The following CSMD1 variants were observed in gnomAD, a reference collection of about 807,000 sequenced individuals.
CSMD1 encodes the protein CUB and sushi domain-containing protein 1.
Under a neutral mutation model 417.5 loss-of-function variants are expected in CSMD1, and 213 were observed. The ratio of observed to expected loss-of-function variants is 0.51; its 90% CI spans 0.46 to 0.57. The LOEUF (loss-of-function observed/expected upper bound fraction) is 0.57, where lower values mean the gene tolerates loss of function less well. Among genes scored for constraint, CSMD1 ranks in the 20% least tolerant of loss-of-function variants. CSMD1 has a pLI of 0.00. For missense variants in CSMD1, 6,923 were observed against 4,529.7 expected (o/e 1.53, Z -15.17); for synonymous variants, 2,862 against 1,736.8 (o/e 1.65, Z -16.11).
chr8:4,596,343 C>T (rs1270543218), intron 2 of CSMD1, among the ~76,000 whole-genome samples: 1 of 152,152 alleles, frequency 6.6e-6, no homozygotes, highest in African/African-American at 2.4e-5. Flanking sequence ...AACGAAACCT[C>T]CTCTCTAAGG....
chr8:3,917,787 A>G (rs940498017), intron 5 of CSMD1, among the ~76,000 whole-genome samples: 4 of 152,074 alleles, frequency 2.6e-5, no homozygotes, highest in African/African-American at 9.7e-5. Flanking sequence ...CCCCACACCT[A>G]TTATTAGTTT....
intron 3 of CSMD1, among the ~76,000 whole-genome samples, chr8:4,419,560 T>A (rs1014823476): frequency 6.6e-6 from 1 of 152,186 alleles, no homozygotes; most frequent in Non-Finnish European, 1.5e-5. Flanking sequence ...GTTCATTTAA[T>A]GAAATTTCCT....
chr8:3,319,117 C>A (rs11991912), intron 23 of CSMD1, among the ~76,000 whole-genome samples: 1 of 151,858 alleles, frequency 6.6e-6, no homozygotes, highest in Admixed American at 6.6e-5. Flanking sequence ...CAGATAATAA[C>A]TGAAGAAGTA....
chr8:3,149,573 G>C (rs1819066108), intron 40 of CSMD1, among the ~76,000 whole-genome samples: 1 of 152,144 alleles, frequency 6.6e-6, no homozygotes, highest in South Asian at 2.1e-4. Context: ...CACCTCCCGG[G>C]TTCAAGCGAT....
intron 3 of CSMD1, among the ~76,000 whole-genome samples, chr8:4,041,575 C>T (rs1278406143): frequency 6.6e-6 from 1 of 152,100 alleles, no homozygotes; most frequent in Non-Finnish European, 1.5e-5. Context: ...AAGTGAGATT[C>T]ACAGTCTCTG....
At chr8:4,611,024 T>C (rs1801138963) in intron 2 of CSMD1, among the ~76,000 whole-genome samples, 1 of 152,160 alleles carries the variant, frequency 6.6e-6, no homozygotes, top group South Asian at 2.1e-4. Flanking sequence ...GAAATGTAAC[T>C]ACCATTTTTT....
chr8:4,102,513 C>G (rs192707736), intron 3 of CSMD1, among the ~76,000 whole-genome samples: 35 of 152,182 alleles, frequency 2.3e-4, no homozygotes, highest in African/African-American at 7.7e-4. Context: ...GAAAACTTAG[C>G]GACAATGGGG....
chr8:3,964,173 A>G (rs1812518370), intron 5 of CSMD1, among the ~76,000 whole-genome samples: 1 of 152,220 alleles, frequency 6.6e-6, no homozygotes, highest in Admixed American at 6.5e-5. Flanking sequence ...TCATCTTAAC[A>G]AGTAAACATT....
chr8:4,240,429 C>G (rs781353547), intron 3 of CSMD1, among the ~76,000 whole-genome samples: 2 of 152,230 alleles, frequency 1.3e-5, no homozygotes, highest in Non-Finnish European at 2.9e-5. Flanking sequence ...CTGTAGACTT[C>G]AAGATTCACT....
At chr8:3,010,282 A>G (rs937882445) in intron 52 of CSMD1, among the ~76,000 whole-genome samples, 1 of 152,156 alleles carries the variant, frequency 6.6e-6, no homozygotes, top group African/African-American at 2.4e-5. Context: ...TTTGTTTTAG[A>G]TGTAGCAGGT....
intron 3 of CSMD1, among the ~76,000 whole-genome samples, chr8:4,357,484 A>C (rs1192685446): frequency 6.6e-6 from 1 of 152,144 alleles, no homozygotes; most frequent in Non-Finnish European, 1.5e-5. Context: ...CCTCACCAAC[A>C]TGGCATTACT....
chr8:3,155,067 C>T (rs568535269), intron 39 of CSMD1, among the ~76,000 whole-genome samples: 10 of 151,954 alleles, frequency 6.6e-5, no homozygotes, highest in South Asian at 2.1e-4. Flanking sequence ...CTAATATTTA[C>T]GATGTTAAGT....
intron 6 of CSMD1, among the ~76,000 whole-genome samples, chr8:3,750,361 G>A (rs1797274614): frequency 1.3e-5 from 2 of 149,578 alleles, no homozygotes; most frequent in African/African-American, 2.4e-5. Context: ...TATGATTCAG[G>A]TTAAATATAC....
chr8:3,641,511 G>C (rs976229846), intron 7 of CSMD1, among the ~76,000 whole-genome samples: 1 of 152,058 alleles, frequency 6.6e-6, no homozygotes, highest in Non-Finnish European at 1.5e-5. Context: ...TCGGTCTCTT[G>C]GGCAAACTTC....
chr8:4,476,918 G>C (rs1217879919), intron 2 of CSMD1, among the ~76,000 whole-genome samples: 1 of 152,200 alleles, frequency 6.6e-6, no homozygotes, highest in Non-Finnish European at 1.5e-5. Flanking sequence ...AGGGTGAAAA[G>C]AGAAAGAAAT....
intron 1 of CSMD1, among the ~76,000 whole-genome samples, chr8:4,857,684 G>C (rs1480161363): frequency 6.6e-6 from 1 of 151,866 alleles, no homozygotes; most frequent in Non-Finnish European, 1.5e-5. Context: ...TAAATTCCTG[G>C]ACACATACAC....
chr8:3,388,440 T>C (rs543860966), intron 17 of CSMD1, among the ~76,000 whole-genome samples: 56 of 152,324 alleles, frequency 3.7e-4, no homozygotes, highest in African/African-American at 1.3e-3. Context: ...TGTTTACATA[T>C]GCGAAGAAAT....
intron 3 of CSMD1, among the ~76,000 whole-genome samples, chr8:4,161,288 G>C (rs1004467312): frequency 1.3e-5 from 2 of 152,160 alleles, no homozygotes; most frequent in Non-Finnish European, 1.5e-5. Flanking sequence ...TAACTCACCA[G>C]CTACACATAA....
intron 2 of CSMD1, among the ~76,000 whole-genome samples, chr8:4,539,669 G>T (rs1797285420): frequency 6.6e-6 from 1 of 152,130 alleles, no homozygotes; most frequent in Non-Finnish European, 1.5e-5. Flanking sequence ...TGAGAATATT[G>T]TTTATTAAGA....
Sources: gnomAD v4.1 joint callset for allele counts (sites outside exome capture counted in the v4.1 genomes callset) on GRCh38, gnomAD v4.1.1 for gene constraint, MANE v1.5 for transcripts, NCBI Gene and HGNC (gene_info 2026-07-23, HGNC 2026-07-21) for gene names.